The following FKBP3 variants were observed in gnomAD, a reference collection of about 807,000 sequenced individuals.
FKBP3 encodes the protein FKBP prolyl isomerase 3.
In FKBP3, 21 loss-of-function variants were observed where a neutral mutation model predicts 30.6. The observed-to-expected ratio is 0.69, with a 90% CI of 0.49 to 0.99. FKBP3 has a LOEUF of 0.99. Among genes scored for constraint, FKBP3 ranks in the 50% least tolerant of loss-of-function variants. The probability of loss-of-function intolerance (pLI) is 0.00; values close to 1 mark genes in which losing one functional copy is unlikely to be tolerated. For synonymous variants in FKBP3, 82 were observed against 91.3 expected, an observed-to-expected ratio of 0.90 and a Z score of 0.58; for missense variants, 283 against 261.6, an observed-to-expected ratio of 1.08 and a Z score of -0.56.
intron 3 of FKBP3, among the ~76,000 whole-genome samples, chr14:45,129,362 A>C (rs1325571175): frequency 1.3e-5 from 2 of 152,242 alleles, no homozygotes; most frequent in Admixed American, 1.3e-4. Context: ...TGAGTTGGGA[A>C]AACTGAGACA....
chr14:45,128,112 G>A (rs959439084), intron 3 of FKBP3, among the ~76,000 whole-genome samples: 1 of 152,110 alleles, frequency 6.6e-6, no homozygotes, highest in African/African-American at 2.4e-5. Context: ...CTAGGTGGGC[G>A]GATAACTTGA....
intron 3 of FKBP3, among the ~76,000 whole-genome samples, chr14:45,125,213 G>C (rs548836903): frequency 1.3e-5 from 2 of 152,234 alleles, no homozygotes; most frequent in South Asian, 4.1e-4. Context: ...ACAGTGCCCA[G>C]CCAGATTTGT....
intron 1 of FKBP3, chr14:45,133,464 C>T (rs1247812766): frequency 6.2e-6 from 1 of 161,386 alleles, no homozygotes; most frequent in Non-Finnish European, 1.4e-5. Context: ...GAGACTCCGT[C>T]TCAAACAAAC....
rs200242313 is a variant in FKBP3, at chr14:45,123,602, C to CTTTT, written c.319-1986_319-1983dup. On this transcript the variant is annotated intron_variant, in intron 3 of 6. Transcript: ENST00000396062. ...ACTCTGCTTAAATCCCTCTCTACTC[C>CTTTT]TTTTTTTTTTTTTTTTTTTTTTTTT... 1.2e-4 allele frequency among the ~76,000 whole-genome samples: 10 copies of CTTTT among 84,310 alleles called. 2 individuals carry two copies. Among genetic ancestry groups the CTTTT allele is most frequent in the Admixed American group, 3.9e-4 (3 of 7,712 alleles). 55.3% of individuals were successfully genotyped at this position (84,310 alleles called of 152,430 possible).
At position 45,120,868 on chromosome 14, in the gene FKBP3, A is replaced by G. The variant is rs144723350; in HGVS notation, c.522+19T>C. 12 of 1,591,444 alleles carry G rather than the reference A, an allele frequency of 7.5e-6. No homozygotes were observed. Among genetic ancestry groups the G allele is most frequent in the Non-Finnish European group, 1.0e-5 (12 of 1,160,162 alleles). On this transcript the variant is annotated intron_variant, in intron 5 of 6. Transcript: ENST00000396062. ...CATATGCCAGAATATCTACTGATTC[A>G]TTGGCATTCTTTACTTACTCCTCTG...
chr14:45,134,398 A>G lies in FKBP3; in HGVS notation c.59T>C (p.Leu20Pro). 1 of 1,613,714 alleles carries G rather than the reference A, an allele frequency of 6.2e-7. No homozygotes were observed. Among genetic ancestry groups the G allele is most frequent in the Non-Finnish European group, 8.5e-7 (1 of 1,179,778 alleles). Residue 20 changes from leucine (L) to proline (P), a missense_variant, in exon 1 of 7, where the codon CTG (leucine) becomes CCG (proline). Leu to Pro is a moderately conservative substitution (Grantham distance 98). Transcript: ENST00000396062. ...AAACTTGATAATGTCCTTCTTGGGCAGCTGCTCACTGCGCAGCTGCTCCAC... is the reference window on the plus strand; with the variant it reads ...AAACTTGATAATGTCCTTCTTGGGCGGCTGCTCACTGCGCAGCTGCTCCAC... ...WTVEQLRSEQ[L>P]PKKDIIKFLQ...
Position 45,129,818 on chromosome 14 carries a change from G to A in FKBP3, c.294C>T (p.Thr98=). 1 of 1,610,898 alleles carries A rather than the reference G, an allele frequency of 6.2e-7. No homozygotes were observed. Among genetic ancestry groups the A allele is most frequent in the Non-Finnish European group, 8.5e-7 (1 of 1,177,980 alleles). Residue 98 remains threonine (T), a synonymous_variant, in exon 3 of 7, where the codon ACC becomes ACT. Transcript: ENST00000396062. ...CCTCATCCAGGGTCTCTTCAGACTTGGTTTCTTTGGGTTTATCTTCATTAA... is the reference window on the plus strand; with the variant it reads ...CCTCATCCAGGGTCTCTTCAGACTTAGTTTCTTTGGGTTTATCTTCATTAA... ...VKLNEDKPKE[T]KSEETLDEGP...
chr14:45,127,758 T>A (rs1372658726), intron 3 of FKBP3, among the ~76,000 whole-genome samples: 1 of 152,120 alleles, frequency 6.6e-6, no homozygotes, highest in East Asian at 1.9e-4. Context: ...TTTAGAAATC[T>A]TATTAGAATA....
At chr14:45,126,498 G>GA (rs897588814) in intron 3 of FKBP3, among the ~76,000 whole-genome samples, 17 of 149,756 alleles carry the variant, frequency 1.1e-4, no homozygotes, top group South Asian at 6.4e-4. Context: ...AAAAAACAAA[G>GA]AAAAAAAAAG....
chr14:45,134,340 C>T lies in FKBP3; in HGVS notation c.108+9G>A, dbSNP rs1885323468. On this transcript the variant is annotated intron_variant, in intron 1 of 6. Transcript: ENST00000396062. ...CGCACCAGCCCGGCCGCCCCTACGCCTCTGGTACCGAATCTGAACCGTGTT... is the reference window on the plus strand; with the variant it reads ...CGCACCAGCCCGGCCGCCCCTACGCTTCTGGTACCGAATCTGAACCGTGTT... 1 of 1,610,468 alleles carries T rather than the reference C, an allele frequency of 6.2e-7. No homozygotes were observed. The highest frequency in any genetic ancestry group is 8.5e-7 in the Non-Finnish European group (1 of 1,177,052).
chr14:45,116,255 G>T lies in FKBP3; in HGVS notation c.621-3C>A, dbSNP rs765908799. The T allele has an allele frequency of 6.2e-7, 1 of 1,611,262 alleles. No homozygotes were observed. Among genetic ancestry groups the T allele is most frequent in the Non-Finnish European group, 8.5e-7 (1 of 1,177,696 alleles). On this transcript the variant is annotated splice_region_variant and splice_polypyrimidine_tract_variant and intron_variant, in intron 6 of 6. Coordinates refer to ENST00000396062, the MANE Select transcript of FKBP3 (RefSeq NM_002013.4). ...TGAGTTTTGCATTTGGTGGAATTCTGTTGAAGAAGTCAAGGTACATTTGAT... is the reference window on the plus strand; with the variant it reads ...TGAGTTTTGCATTTGGTGGAATTCTTTTGAAGAAGTCAAGGTACATTTGAT...
rs1017108524 is a variant in FKBP3 at position 45,129,178 on chromosome 14, C to A, written c.318+616G>T. On this transcript the variant is annotated intron_variant, in intron 3 of 6. Transcript: ENST00000396062. ...TAGATTATTATCACTGATACTAAGA[C>A]TGCTGGCAATGAGTGAGCTTAGATA... Among the ~76,000 whole-genome samples, 5 of 152,308 alleles carry A rather than the reference C, an allele frequency of 3.3e-5. No homozygotes were observed. The South Asian group carries it at 8.3e-4, about 25-fold the overall frequency.
Position 45,118,054 on chromosome 14 carries a change from G to T in FKBP3, c.594C>A (p.Tyr198Ter). 6.2e-7 allele frequency: 1 copy of T among 1,603,786 alleles called. No individual in the cohort carries two copies. Among genetic ancestry groups the T allele is most frequent in the Non-Finnish European group, 8.5e-7 (1 of 1,176,560 alleles). The change falls in exon 6 of 7, where the codon TAC (tyrosine) becomes TAA (stop). Residue 198 changes from tyrosine to a stop codon, truncating the protein, a stop_gained. Coordinates refer to ENST00000396062, the MANE Select transcript of FKBP3 (RefSeq NM_002013.4). LOFTEE classifies it high-confidence loss of function. ...TGGCATCAGGCTGTCCTTTCTTTCC[G>T]TAAGCCCATTCTGGTTCAATCTCCA... ...ARLEIEPEWA[Y>*]GKKGQPDAKI...
At chr14:45,132,723 C>T (rs1298548783) in intron 1 of FKBP3, among the ~76,000 whole-genome samples, 3 of 150,996 alleles carry the variant, frequency 2.0e-5, no homozygotes, top group Non-Finnish European at 4.4e-5. Flanking sequence ...GAATGAGCCA[C>T]CACGACCGAC....
intron 1 of FKBP3, among the ~76,000 whole-genome samples, 187 bp downstream of exon 1, chr14:45,134,162 A>G (rs1321935779): frequency 6.6e-6 from 1 of 152,216 alleles, no homozygotes; most frequent in Admixed American, 6.5e-5. Flanking sequence ...CCCCTGCCCC[A>G]GTAGAGAACG....
chr14:45,121,103 T>C, intron 4 of FKBP3, 149 bp from the exon 5 acceptor site: 2 of 683,146 alleles, frequency 2.9e-6, no homozygotes, highest in Admixed American at 2.9e-5. Context: ...GGAAAAAATT[T>C]ACAAAGATCA....
At chr14:45,125,806 T>C (rs1449796604) in intron 3 of FKBP3, among the ~76,000 whole-genome samples, 1 of 151,682 alleles carries the variant, frequency 6.6e-6, no homozygotes, top group African/African-American at 2.4e-5. Context: ...CAAATAGGGA[T>C]AGTAAAAGGA....
In FKBP3 at chr14:45,134,201, C is replaced by T. The variant is rs900908855; in HGVS notation, c.108+148G>A. 3.4e-5 allele frequency: 22 copies of T among 655,774 alleles called. No individual in the cohort carries two copies. In the Admixed American group the frequency reaches 3.8e-4, roughly 11 times the overall value. 40.6% of individuals were successfully genotyped at this position (655,774 alleles called of 1,614,324 possible). On this transcript the variant is annotated intron_variant, in intron 1 of 6. Coordinates refer to ENST00000396062, the MANE Select transcript of FKBP3 (RefSeq NM_002013.4). ...GAGAGGCGGGAGCGAGGCACCAAAG[C>T]ACAAGCTGGGCCTCTCCGGCCTTCC...
At chr14:45,119,169 A>G (rs1297428750) in intron 5 of FKBP3, among the ~76,000 whole-genome samples, 1 of 152,230 alleles carries the variant, frequency 6.6e-6, no homozygotes, top group African/African-American at 2.4e-5. Flanking sequence ...AGTTAAATCC[A>G]CATCACCAAA....
Sources: allele counts gnomAD v4.1 joint callset (sites outside exome capture counted in the v4.1 genomes callset), GRCh38; gene constraint gnomAD v4.1.1; transcripts MANE v1.5; gene names NCBI Gene and HGNC (gene_info 2026-07-23, HGNC 2026-07-21).